Variants in NCKAP5 observed in about 807,000 individuals in gnomAD.
NCKAP5 encodes nck-associated protein 5.
A neutral mutation model predicts 167.0 loss-of-function variants in NCKAP5; 92 were observed. The ratio of observed to expected loss-of-function variants is 0.55; its 90% CI spans 0.47 to 0.66. NCKAP5 has a LOEUF of 0.66. NCKAP5 is among the 30% of genes least tolerant of loss of function. The probability of loss-of-function intolerance (pLI) is 0.00; values close to 1 mark genes in which losing one functional copy is unlikely to be tolerated. For synonymous variants in NCKAP5, 891 were observed against 877.4 expected (o/e 1.02, Z -0.27); for missense variants, 2,378 against 2,315.0 (o/e 1.03, Z -0.56).
At chr2:133,305,640 A>G (rs1680727566) in intron 3 of NCKAP5, among the ~76,000 whole-genome samples, 1 of 152,194 alleles carries the variant, frequency 6.6e-6, no homozygotes, top group African/African-American at 2.4e-5. Flanking sequence ...GATAATACTG[A>G]TCTCTAATCT....
At chr2:133,621,756 AAGAG>A in the NCKAP5 span, among the ~76,000 whole-genome samples, 1 of 152,300 alleles carries the variant, frequency 6.6e-6, no homozygotes, top group Non-Finnish European at 1.5e-5. Context: ...AAGATAGAGA[AAGAG>A]AGAATCCTCC....
At chr2:133,470,442 C>T (rs1030994265) in intron 3 of NCKAP5, among the ~76,000 whole-genome samples, 9 of 152,202 alleles carry the variant, frequency 5.9e-5, no homozygotes, top group Non-Finnish European at 1.0e-4. Flanking sequence ...TTTAAGTCTG[C>T]AGAGGTTGCT....
intron 6 of NCKAP5, among the ~76,000 whole-genome samples, chr2:133,106,809 AT>A (rs925546756): frequency 1.6e-4 from 24 of 152,210 alleles, no homozygotes; most frequent in African/African-American, 5.8e-4. Context: ...CGAGAAGTTT[AT>A]TTTAGAAATG....
chr2:132,770,296 T>C (rs1356249095), intron 16 of NCKAP5, among the ~76,000 whole-genome samples: 2 of 151,236 alleles, frequency 1.3e-5, no homozygotes, highest in Admixed American at 1.3e-4. Flanking sequence ...CTTTCATGTT[T>C]GCCTTCCTCC....
At chr2:133,459,959 G>A (rs1692100409) in intron 3 of NCKAP5, among the ~76,000 whole-genome samples, 1 of 152,148 alleles carries the variant, frequency 6.6e-6, no homozygotes, top group East Asian at 1.9e-4. Context: ...ACATTGATAA[G>A]TACATTTTCA....
At chr2:133,230,254 T>G (rs1482404927) in intron 4 of NCKAP5, among the ~76,000 whole-genome samples, 2 of 152,148 alleles carry the variant, frequency 1.3e-5, no homozygotes, top group African/African-American at 4.8e-5. Flanking sequence ...AGGATGCCAC[T>G]GTAGTTATAA....
intron 6 of NCKAP5, among the ~76,000 whole-genome samples, chr2:133,057,806 C>A (rs1016868993): frequency 5.9e-5 from 9 of 152,206 alleles, no homozygotes; most frequent in African/African-American, 2.2e-4. Flanking sequence ...GATGACTACA[C>A]TAAACAATAG....
chr2:133,055,699 T>C lies in NCKAP5; in HGVS notation c.342-61460A>G, dbSNP rs369497971. 3.1e-3 allele frequency among the ~76,000 whole-genome samples: 472 copies of C among 152,212 alleles called. 3 individuals are homozygous for C. The highest frequency in any genetic ancestry group is 0.01 in the African/African-American group (425 of 41,546). On this transcript the variant is annotated intron_variant, in intron 6 of 19. Transcript: ENST00000409261. ...GAATGTTGGGCATCATTTGTTGCATTATTTGATCTATCTACTAGTTATTTT... is the reference window on the plus strand; with the variant it reads ...GAATGTTGGGCATCATTTGTTGCATCATTTGATCTATCTACTAGTTATTTT...
chr2:132,999,717 T>A (rs1184923468), intron 6 of NCKAP5, among the ~76,000 whole-genome samples: 2 of 152,182 alleles, frequency 1.3e-5, no homozygotes, highest in African/African-American at 2.4e-5. Flanking sequence ...TGTAAATGAC[T>A]GTGGGCTTTT....
At chr2:132,949,013 A>AGAAAG in intron 8 of NCKAP5, among the ~76,000 whole-genome samples, 1 of 115,240 alleles carries the variant, frequency 8.7e-6, no homozygotes, top group South Asian at 2.4e-4. Flanking sequence ...TGAAAAGAAA[A>AGAAAG]GAAAAGAAAA....
At position 132,819,404 on chromosome 2, in the gene NCKAP5, T is replaced by C. The variant is rs75179211; in HGVS notation, c.808-22675A>G. Among the ~76,000 whole-genome samples, 565 of 152,350 alleles carry C rather than the reference T, an allele frequency of 3.7e-3. 5 individuals are homozygous for C. The highest frequency in any genetic ancestry group is 0.012 in the African/African-American group (504 of 41,586). On this transcript the variant is annotated intron_variant, in intron 11 of 19. Coordinates refer to ENST00000409261, the MANE Select transcript of NCKAP5 (RefSeq NM_207363.3). ...TGTATTGTTGCAATCTAGACCTTAA[T>C]GGCATTTTAGCCCTGTGGTGAGCTC...
intron 6 of NCKAP5, among the ~76,000 whole-genome samples, chr2:133,054,605 G>A (rs2079728365): frequency 6.6e-6 from 1 of 152,328 alleles, no homozygotes; most frequent in South Asian, 2.1e-4. Flanking sequence ...TCACAACTAG[G>A]CCAAGGAATT....
chr2:133,641,764 T>C, the NCKAP5 span, among the ~76,000 whole-genome samples: 1 of 152,192 alleles, frequency 6.6e-6, no homozygotes, highest in Non-Finnish European at 1.5e-5. Flanking sequence ...GTGGCAAGAC[T>C]TCATGTCAGA....
chr2:132,986,963 A>G (rs2149285821), intron 7 of NCKAP5, among the ~76,000 whole-genome samples: 1 of 152,292 alleles, frequency 6.6e-6, no homozygotes, highest in East Asian at 1.9e-4. Context: ...CCCAGGACCC[A>G]TCCTATGGAA....
At chr2:133,606,141 A>G in the NCKAP5 span, among the ~76,000 whole-genome samples, 9 of 151,882 alleles carry the variant, frequency 5.9e-5, no homozygotes, top group African/African-American at 4.8e-5. Flanking sequence ...TAGAACTTCA[A>G]AAAAAATTGA....
rs968662391 is a variant in NCKAP5, at chr2:133,506,206, G to A, written c.69+11252C>T. 5.9e-5 allele frequency among the ~76,000 whole-genome samples: 9 copies of A among 152,282 alleles called. No individual in the cohort carries two copies. The East Asian group carries it at 1.7e-3, about 29-fold the overall frequency. ...GTTACATGGAACTTGTGTTCTGAAG[G>A]TGCCACATCAAATTGTCTGGTGAAA... is the stretch of plus-strand genomic sequence containing the variant. On this transcript the variant is annotated intron_variant, in intron 3 of 19. Transcript: ENST00000409261.
chr2:133,006,278 C>G (rs1387718308), intron 6 of NCKAP5, among the ~76,000 whole-genome samples: 1 of 151,926 alleles, frequency 6.6e-6, no homozygotes, highest in Non-Finnish European at 1.5e-5. Context: ...GAAAAACAAA[C>G]AGAAACAAAC....
intron 3 of NCKAP5, among the ~76,000 whole-genome samples, chr2:133,426,385 A>T (rs1040939414): frequency 4.1e-5 from 4 of 96,704 alleles, no homozygotes; most frequent in Non-Finnish European, 7.2e-5. Flanking sequence ...GCTTTTATTT[A>T]AAAAAAAAAG....
chr2:133,354,431 T>C lies in NCKAP5; in HGVS notation c.70-51321A>G, dbSNP rs543874127. ...CCACCATGCCTGGCTCAGTTCTCTT[T>C]TTGATTCTTGCCTACAGGGTTCCCT... is the stretch of plus-strand genomic sequence containing the variant. On this transcript the variant is annotated intron_variant, in intron 3 of 19. Transcript: ENST00000409261. 2.3e-4 allele frequency among the ~76,000 whole-genome samples: 35 copies of C among 152,206 alleles called. No individual in the cohort carries two copies. The South Asian group carries it at 7.3e-3, about 32-fold the overall frequency.
Sources: gnomAD v4.1 joint callset for allele counts (sites outside exome capture counted in the v4.1 genomes callset) on GRCh38, gnomAD v4.1.1 for gene constraint, MANE v1.5 for transcripts, NCBI Gene and HGNC (gene_info 2026-07-23, HGNC 2026-07-21) for gene names.